KLHL1: variants seen among roughly 807,000 people sequenced by gnomAD.
KLHL1 encodes the protein kelch like family member 1.
A neutral mutation model predicts 77.7 loss-of-function variants in KLHL1; 47 were observed. The ratio of observed to expected loss-of-function variants is 0.60; its 90% CI spans 0.48 to 0.77. The LOEUF (loss-of-function observed/expected upper bound fraction) is 0.77. KLHL1 is among the 30% of genes least tolerant of loss of function. The pLI is 0.00. For missense variants in KLHL1, 925 were observed against 910.8 expected (o/e 1.02, Z -0.20); for synonymous variants, 360 against 325.2 (o/e 1.11, Z -1.15).
chr13:69,739,446 A>T (rs1160120453), intron 8 of KLHL1, among the ~76,000 whole-genome samples: 2 of 152,210 alleles, frequency 1.3e-5, no homozygotes, highest in Non-Finnish European at 2.9e-5. Flanking sequence ...CAATTAAAAG[A>T]CACAGAATGG....
intron 4 of KLHL1, among the ~76,000 whole-genome samples, chr13:69,935,634 T>C (rs1883164603): frequency 6.6e-6 from 1 of 151,816 alleles, no homozygotes; most frequent in Non-Finnish European, 1.5e-5. Flanking sequence ...GGCAGAAGAG[T>C]ATTTCCATCA....
At chr13:69,906,188 G>A (rs1450560683) in intron 4 of KLHL1, among the ~76,000 whole-genome samples, 2 of 151,976 alleles carry the variant, frequency 1.3e-5, no homozygotes, top group Non-Finnish European at 2.9e-5. Context: ...CACCTAATAA[G>A]TATTGGATAA....
intron 7 of KLHL1, among the ~76,000 whole-genome samples, chr13:69,756,130 C>G (rs934341522): frequency 2.6e-5 from 4 of 152,164 alleles, no homozygotes; most frequent in African/African-American, 9.7e-5. Context: ...GACCCCCACC[C>G]TTCCCAGGAA....
chr13:69,840,988 AG>A (rs1879236675), intron 5 of KLHL1, among the ~76,000 whole-genome samples: 1 of 151,916 alleles, frequency 6.6e-6, no homozygotes, highest in Non-Finnish European at 1.5e-5. Context: ...GTATATGTAA[AG>A]CTGGCTCTCA....
intron 5 of KLHL1, among the ~76,000 whole-genome samples, chr13:69,879,765 T>C (rs1245594030): frequency 1.3e-5 from 2 of 152,186 alleles, no homozygotes; most frequent in African/African-American, 4.8e-5. Flanking sequence ...CCCTTAGTGA[T>C]AGAAGATCCA....
intron 7 of KLHL1, among the ~76,000 whole-genome samples, chr13:69,746,882 C>T (rs942146629): frequency 1.1e-4 from 16 of 151,998 alleles, no homozygotes; most frequent in Non-Finnish European, 2.1e-4. Flanking sequence ...GAATTCCTTC[C>T]TTTCTTTCCA....
intron 3 of KLHL1, among the ~76,000 whole-genome samples, chr13:69,949,199 AT>A (rs200432953): frequency 2.6e-5 from 4 of 150,956 alleles, no homozygotes; most frequent in East Asian, 1.9e-4. Flanking sequence ...CATTCCTTAG[AT>A]TTTTTTTTCT....
rs920601651 is a variant in KLHL1, at chr13:70,009,184, C to T, written c.498-33382G>A. Among the ~76,000 whole-genome samples the T allele has an allele frequency of 4.1e-4, 62 of 152,088 alleles. 1 individual carries two copies. The highest frequency in any genetic ancestry group is 1.4e-3 in the African/African-American group (60 of 41,514). ...CTTCTATTAATAAGTCTTATGGAGACATAAGACAAACCAAGGACAACAGTG... is the reference window on the plus strand; with the variant it reads ...CTTCTATTAATAAGTCTTATGGAGATATAAGACAAACCAAGGACAACAGTG... On this transcript the variant is annotated intron_variant, in intron 1 of 10. Transcript: ENST00000377844.
intron 3 of KLHL1, among the ~76,000 whole-genome samples, chr13:69,959,557 TAA>T (rs35521937): frequency 6.9e-5 from 10 of 145,040 alleles, no homozygotes; most frequent in South Asian, 6.6e-4. Context: ...GACTACTCAT[TAA>T]AAAAAAAAAA....
intron 1 of KLHL1, among the ~76,000 whole-genome samples, chr13:70,096,778 AG>A (rs1263521653): frequency 2.6e-5 from 4 of 151,898 alleles, no homozygotes; most frequent in Non-Finnish European, 4.4e-5. Flanking sequence ...GTTTCCAGAT[AG>A]TCTTAAAGGA....
intron 4 of KLHL1, among the ~76,000 whole-genome samples, chr13:69,903,988 C>T (rs557616562): frequency 2.0e-5 from 3 of 151,760 alleles, no homozygotes; most frequent in African/African-American, 7.2e-5. Flanking sequence ...GAAATGTTTA[C>T]TATATGCCCT....
intron 1 of KLHL1, among the ~76,000 whole-genome samples, chr13:69,976,487 C>A (rs953035827): frequency 6.6e-6 from 1 of 151,036 alleles, no homozygotes; most frequent in African/African-American, 2.4e-5. Flanking sequence ...TAGACTGTTT[C>A]AAAAAAAATA....
At chr13:69,826,736 A>C (rs1878565423) in intron 6 of KLHL1, among the ~76,000 whole-genome samples, 4 of 151,826 alleles carry the variant, frequency 2.6e-5, no homozygotes, top group Admixed American at 2.6e-4. Context: ...AATATATAAA[A>C]CCCTTATTTT....
chr13:70,017,339 A>C (rs915531218), intron 1 of KLHL1, among the ~76,000 whole-genome samples: 1 of 152,192 alleles, frequency 6.6e-6, no homozygotes, highest in African/African-American at 2.4e-5. Context: ...GTGTCTCCCA[A>C]CTTCTGGAAG....
At chr13:69,903,712 G>T (rs1881951298) in intron 4 of KLHL1, among the ~76,000 whole-genome samples, 1 of 131,036 alleles carries the variant, frequency 7.6e-6, no homozygotes, top group African/African-American at 2.9e-5. Flanking sequence ...TGGAATCTCG[G>T]CTCACTGCAA....
At chr13:70,032,261 T>G (rs905930320) in intron 1 of KLHL1, among the ~76,000 whole-genome samples, 1 of 152,148 alleles carries the variant, frequency 6.6e-6, no homozygotes, top group Non-Finnish European at 1.5e-5. Context: ...GTTGTGACAA[T>G]GCGCAAAACA....
intron 6 of KLHL1, among the ~76,000 whole-genome samples, chr13:69,835,734 G>C (rs1317127330): frequency 6.6e-6 from 1 of 151,746 alleles, no homozygotes; most frequent in African/African-American, 2.4e-5. Flanking sequence ...ACAAACAACA[G>C]ATTTAGAACC....
rs1875657485 is a variant in KLHL1, at chr13:69,707,013, A to T, written c.2187+612T>A. Among the ~76,000 whole-genome samples the T allele has an allele frequency of 3.3e-5, 5 of 151,912 alleles. No individual in the cohort carries two copies. The South Asian group carries it at 1.0e-3, about 31-fold the overall frequency. ...TCACCTAAGATAAACCAGTCATGTT[A>T]CTCCAACTTCCTGGACAAAATGATT... On this transcript the variant is annotated intron_variant, in intron 10 of 10. Coordinates refer to ENST00000377844, the MANE Select transcript of KLHL1 (RefSeq NM_020866.3).
At chr13:69,841,021 T>C (rs1879238541) in intron 5 of KLHL1, among the ~76,000 whole-genome samples, 1 of 151,932 alleles carries the variant, frequency 6.6e-6, no homozygotes, top group Non-Finnish European at 1.5e-5. Context: ...TTTTCTTCTC[T>C]CCTTTTCACT....
Sources: allele counts gnomAD v4.1 joint callset (sites outside exome capture counted in the v4.1 genomes callset), GRCh38; gene constraint gnomAD v4.1.1; transcripts MANE v1.5; gene names NCBI Gene and HGNC (gene_info 2026-07-23, HGNC 2026-07-21).